The following MYO18A variants were observed in gnomAD, a reference collection of about 807,000 sequenced individuals.
MYO18A encodes the protein myosin XVIIIA, also known as unconventional myosin-XVIIIa.
In MYO18A, 78 loss-of-function variants were observed where a neutral mutation model predicts 235.8. The observed-to-expected ratio is 0.33, with a 90% confidence interval of 0.28 to 0.40. MYO18A has a LOEUF of 0.40. Among genes scored for constraint, MYO18A ranks in the 10% least tolerant of loss-of-function variants. The probability of loss-of-function intolerance (pLI) is 1.00; values close to 1 mark genes in which losing one functional copy is unlikely to be tolerated. For missense variants in MYO18A, 2,215 were observed against 2,699.3 expected (o/e 0.82, Z 3.98); for synonymous variants, 977 against 1,077.8 (o/e 0.91, Z 1.83).
At chr17:29,082,231 C>G in intron 41 of MYO18A, 85 bp downstream of exon 41, 1 of 1,567,104 alleles carries the variant, frequency 6.4e-7, no homozygotes, top group Non-Finnish European at 8.7e-7. Flanking sequence ...AGACACAGGC[C>G]TGCCCTCATG....
rs547643266 is a variant in MYO18A, at chr17:29,097,315, G to A, written c.4138C>T (p.Arg1380Trp). The change falls in exon 27 of 42, where the codon CGG (arginine) becomes TGG (tryptophan). Residue 1380 changes from arginine to tryptophan, a missense_variant. Physicochemically the swap from Arg to Trp is moderately radical, Grantham distance 101. Coordinates refer to ENST00000527372, the MANE Select transcript of MYO18A (RefSeq NM_078471.4). ...EWRLKYERAV[R>W]EVDFTKKRLQ... Reference sequence around the variant, plus strand: ...CGTTTCTTGGTGAAGTCCACCTCCCGCACAGCCCGCTCATACTTCAGCCGC... The same window carrying A: ...CGTTTCTTGGTGAAGTCCACCTCCCACACAGCCCGCTCATACTTCAGCCGC... The A allele has an allele frequency of 8.7e-6, 14 of 1,609,544 alleles. No homozygotes were observed. The highest frequency in any genetic ancestry group is 6.6e-5 in the South Asian group (6 of 91,060).
chr17:29,137,377 G>A (rs1292064381), intron 2 of MYO18A, among the ~76,000 whole-genome samples: 2 of 152,198 alleles, frequency 1.3e-5, no homozygotes, highest in African/African-American at 2.4e-5. Flanking sequence ...TGCCCATTCT[G>A]ATTCCCAGGG....
At chr17:29,178,729 T>C (rs2068586899) in intron 1 of MYO18A, among the ~76,000 whole-genome samples, 1 of 152,112 alleles carries the variant, frequency 6.6e-6, no homozygotes, top group African/African-American at 2.4e-5. Context: ...AAGTAGCCCC[T>C]GAACTAAAAA....
At chr17:29,076,336 A>T (rs1026421512) in intron 41 of MYO18A, 3 of 56,112 alleles carry the variant, frequency 5.3e-5, no homozygotes, top group African/African-American at 1.8e-4. Flanking sequence ...ACCTGAGATT[A>T]AAAAAAAAAA....
chr17:29,090,265 C>G, intron 36 of MYO18A, 167 bp from the exon 37 acceptor site: 4 of 769,898 alleles, frequency 5.2e-6, no homozygotes, highest in Non-Finnish European at 8.2e-6. Context: ...CCCATCTGCC[C>G]CAGTGCTTGG....
chr17:29,078,661 CT>C (rs1036394057), intron 41 of MYO18A: 1 of 152,256 alleles, frequency 6.6e-6, no homozygotes, highest in Non-Finnish European at 1.5e-5. Flanking sequence ...CCAAAAACAG[CT>C]TCACATAAGC....
chr17:29,105,880 C>T (rs2066771850), intron 20 of MYO18A, among the ~76,000 whole-genome samples: 1 of 152,074 alleles, frequency 6.6e-6, no homozygotes, highest in Non-Finnish European at 1.5e-5. Flanking sequence ...CCCTTGGGAG[C>T]CCAAAGCAAG....
Position 29,109,911 on chromosome 17 carries a change from CG to C in MYO18A, c.3277del (p.Arg1093AlafsTer40). Reference sequence around the variant, plus strand: ...CAGGCGGGAGCCGCGGAGCTGGGTGCGGAGCAGGGGCACGTCGAGCTGCAGG... The same window carrying C: ...CAGGCGGGAGCCGCGGAGCTGGGTGCGAGCAGGGGCACGTCGAGCTGCAGG... ...GLLQLDVPLLRTQLRGSRLLD... is the reference protein window; with the variant it reads ...GLLQLDVPLLXTQLRGSRLLD... On this transcript the variant is annotated frameshift_variant, in exon 19 of 42. Coordinates refer to ENST00000527372, the MANE Select transcript of MYO18A (RefSeq NM_078471.4). LOFTEE classifies it high-confidence loss of function. The surrounding 1 kb of genome is among the most constrained non-coding windows in gnomAD (Gnocchi z 4.1). 1 of 1,586,782 alleles carries C rather than the reference CG, an allele frequency of 6.3e-7. No homozygotes were observed.
intron 2 of MYO18A, among the ~76,000 whole-genome samples, chr17:29,138,252 C>T (rs940725965): frequency 6.6e-6 from 1 of 152,196 alleles, no homozygotes; most frequent in Non-Finnish European, 1.5e-5. Context: ...CACTGCAAGC[C>T]CCCGAGAGCA....
At position 29,087,027 on chromosome 17, in the gene MYO18A, T is replaced by G; in HGVS notation, c.5621A>C (p.Lys1874Thr). 6.2e-7 allele frequency: 1 copy of G among 1,614,040 alleles called. No individual in the cohort carries two copies. The highest frequency in any genetic ancestry group is 8.5e-7 in the Non-Finnish European group (1 of 1,179,898). The change falls in exon 38 of 42, where the codon AAG (lysine) becomes ACG (threonine). Residue 1874 changes from lysine to threonine, a missense_variant. Lys to Thr is a moderately conservative substitution (Grantham distance 78). Coordinates refer to ENST00000527372, the MANE Select transcript of MYO18A (RefSeq NM_078471.4). Reference protein sequence around the residue: ...AAENREKEQNKRLQRQLRDTK... With the variant: ...AAENREKEQNTRLQRQLRDTK... The stretch of plus-strand genomic sequence containing the variant: ...GTCCCGGAGCTGCCTCTGTAGCCGC[T>G]TGTTCTGTTCCTTCTCCCGGTTCTC...
chr17:29,094,227 T>C, intron 30 of MYO18A, 137 bp from the exon 31 acceptor site: 2 of 651,350 alleles, frequency 3.1e-6, no homozygotes, highest in Non-Finnish European at 5.4e-6. Flanking sequence ...CTTGCTCCCG[T>C]GGCAGCAGCT....
Position 29,110,531 on chromosome 17 carries a change from C to T in MYO18A, c.2992G>A (p.Ala998Thr), listed in dbSNP as rs2066904029. ...CGCATGCTGGTGGCCCGGCGCAGTGCCAGCTGCGAGCCGCCCTCCAGGCCC... is the reference window on the plus strand; with the variant it reads ...CGCATGCTGGTGGCCCGGCGCAGTGTCAGCTGCGAGCCGCCCTCCAGGCCC... ...IAGLEGGSQL[A>T]LRRATSMRKT... Residue 998 changes from alanine (A) to threonine (T), a missense_variant, in exon 18 of 42, where the codon GCA (alanine) becomes ACA (threonine). Ala to Thr is a moderately conservative substitution (Grantham distance 58). Coordinates refer to ENST00000527372, the MANE Select transcript of MYO18A (RefSeq NM_078471.4). 6.2e-7 allele frequency: 1 copy of T among 1,609,720 alleles called. No individual in the cohort carries two copies. The highest frequency in any genetic ancestry group is 8.5e-7 in the Non-Finnish European group (1 of 1,178,324).
intron 2 of MYO18A, among the ~76,000 whole-genome samples, chr17:29,150,866 G>A (rs1029751806): frequency 1.7e-4 from 26 of 152,286 alleles, no homozygotes; most frequent in African/African-American, 5.8e-4. Flanking sequence ...AGCTCTTATT[G>A]TTGCTGTAGA....
chr17:29,161,430 G>A (rs1321212929), intron 2 of MYO18A, among the ~76,000 whole-genome samples: 1 of 151,228 alleles, frequency 6.6e-6, no homozygotes, highest in Admixed American at 6.6e-5. Context: ...AGGAGGCTGA[G>A]GTGGGAGGAT....
In MYO18A at chr17:29,098,951, G is replaced by A. The variant is rs773019180; in HGVS notation, c.3655C>T (p.Arg1219Cys). ...KKRKIQDLAI[R>C]CVQKNIKKNK... ...TTCTTGATGTTCTTCTGTACACAGC[G>A]AATGGCCAGGTCCTGGATCTGCAGG... The change falls in exon 23 of 42, where the codon CGC becomes TGC. Residue 1219 changes from arginine (R) to cysteine (C), a missense_variant. Transcript: ENST00000527372. The A allele has an allele frequency of 5.0e-6, 8 of 1,613,328 alleles. No individual in the cohort carries two copies. Among genetic ancestry groups the A allele is most frequent in the Admixed American group, 3.3e-5 (2 of 59,986 alleles).
At position 29,073,832 on chromosome 17, in the gene MYO18A, G is replaced by GT. The variant is rs751215503; in HGVS notation, c.*937dup. ...GCACCGGCCAAAACTTCCATCTTCA[G>GT]TTTTTCTGATCACAAGTCCTCAACC... On this transcript the variant is annotated 3_prime_UTR_variant, in exon 42 of 42. Coordinates refer to ENST00000527372, the MANE Select transcript of MYO18A (RefSeq NM_078471.4). The GT allele has an allele frequency of 2.8e-5, 44 of 1,566,984 alleles. No individual in the cohort carries two copies. Among genetic ancestry groups the GT allele is most frequent in the Non-Finnish European group, 3.7e-5 (42 of 1,149,716 alleles).
At position 29,094,744 on chromosome 17, in the gene MYO18A, T is replaced by G. The variant is rs373503299; in HGVS notation, c.4616A>C (p.Lys1539Thr). The change falls in exon 30 of 42, where the codon AAG (lysine) becomes ACG (threonine). Residue 1539 changes from lysine (K) to threonine (T), a missense_variant. Coordinates refer to ENST00000527372, the MANE Select transcript of MYO18A (RefSeq NM_078471.4). ...CAGGTCCCGGAGCTGTTTCTTGACCTTGGCCAGAGAAGCCTCATCCTTGGA... is the reference window on the plus strand; with the variant it reads ...CAGGTCCCGGAGCTGTTTCTTGACCGTGGCCAGAGAAGCCTCATCCTTGGA... ...QESKDEASLAKVKKQLRDLEA... is the reference protein window; with the variant it reads ...QESKDEASLATVKKQLRDLEA... 7.4e-6 allele frequency: 12 copies of G among 1,613,934 alleles called. No homozygotes were observed. Among genetic ancestry groups the G allele is most frequent in the Non-Finnish European group, 1.0e-5 (12 of 1,179,910 alleles).
chr17:29,097,389 G>A lies in MYO18A; in HGVS notation c.4103-39C>T, dbSNP rs73268356. ...GCAGACAAGGGAGGATGGAGGTGCT[G>A]AGAGTCCCCAGAAGGGGCAGAGGGG... On this transcript the variant is annotated intron_variant, in intron 26 of 41. Coordinates refer to ENST00000527372, the MANE Select transcript of MYO18A (RefSeq NM_078471.4). 150 of 1,600,894 alleles carry A rather than the reference G, an allele frequency of 9.4e-5. 1 individual carries two copies. Among genetic ancestry groups the A allele is most frequent in the Non-Finnish European group, 1.2e-4 (143 of 1,178,286 alleles).
At chr17:29,175,531 C>T (rs2068504814) in intron 1 of MYO18A, among the ~76,000 whole-genome samples, 1 of 151,566 alleles carries the variant, frequency 6.6e-6, no homozygotes, top group African/African-American at 2.4e-5. Flanking sequence ...ACCCAGCTAA[C>T]TTCTGTATTT....
Sources: allele counts gnomAD v4.1 joint callset (sites outside exome capture counted in the v4.1 genomes callset), GRCh38; gene constraint gnomAD v4.1.1; non-coding constraint Gnocchi (gnomAD v3.1); transcripts MANE v1.5; gene names NCBI Gene and HGNC (gene_info 2026-07-23, HGNC 2026-07-21).